CALHM4: variants seen among roughly 807,000 people sequenced by gnomAD.
CALHM4 encodes the protein calcium homeostasis modulator protein 4.
In CALHM4, 16 loss-of-function variants were observed where a neutral mutation model predicts 13.3. The ratio of observed to expected loss-of-function variants is 1.20; its 90% CI spans 0.81 to 1.82. The LOEUF is 1.82. Among genes scored for constraint, CALHM4 ranks in the 40% most tolerant of loss-of-function variants. The probability of loss-of-function intolerance (pLI) is 0.00; values close to 1 mark genes in which losing one functional copy is unlikely to be tolerated. For missense variants in CALHM4, 344 were observed against 374.9 expected (o/e 0.92, Z 0.68); for synonymous variants, 127 against 137.1 (o/e 0.93, Z 0.52).
rs1415826053 is a variant in CALHM4, at chr6:116,560,403, C to T, written c.*2192C>T. On this transcript the variant is annotated 3_prime_UTR_variant, in exon 2 of 2. Coordinates refer to ENST00000368596, the MANE Select transcript of CALHM4 (RefSeq NM_001366078.2). Reference sequence around the variant, plus strand: ...ACCAGGAAACTATTTCCACTAGCTTCTGAAGCCCTTCTACATCAAACTCTT... The same window carrying T: ...ACCAGGAAACTATTTCCACTAGCTTTTGAAGCCCTTCTACATCAAACTCTT... 6.6e-6 allele frequency among the ~76,000 whole-genome samples: 1 copy of T among 152,180 alleles called. No homozygotes were observed. The highest frequency in any genetic ancestry group is 1.5e-5 in the Non-Finnish European group (1 of 68,014).
chr6:116,536,292 G>C (rs576046362), intron 1 of CALHM4, among the ~76,000 whole-genome samples: 3 of 152,124 alleles, frequency 2.0e-5, no homozygotes, highest in African/African-American at 7.2e-5. Context: ...CAATGATTTG[G>C]CCATTATCAT....
rs931990519 is a variant in CALHM4 at position 116,560,655 on chromosome 6, G to C, written c.*2444G>C. Among the ~76,000 whole-genome samples, 242 of 141,994 alleles carry C rather than the reference G, an allele frequency of 1.7e-3. 3 individuals are homozygous for C. Among genetic ancestry groups the C allele is most frequent in the African/African-American group, 4.4e-3 (172 of 39,234 alleles). The allele number at this position is 141,994 out of a possible 152,430, so 93.2% of individuals were successfully genotyped here. ...AAATGGAATTTTTAGTATTTTGGGG[G>C]GGGGGGGGGCTATGGTCTATAGCAT... On this transcript the variant is annotated 3_prime_UTR_variant, in exon 2 of 2. Transcript: ENST00000368596.
At chr6:116,547,430 T>G (rs1214348495) in intron 2 of CALHM4, among the ~76,000 whole-genome samples, 1 of 152,218 alleles carries the variant, frequency 6.6e-6, no homozygotes, top group African/African-American at 2.4e-5. Context: ...CAGACTGACA[T>G]GGCTCCCCTC....
chr6:116,546,298 G>C (rs554620658), intron 2 of CALHM4, among the ~76,000 whole-genome samples: 1 of 152,202 alleles, frequency 6.6e-6, no homozygotes, highest in Non-Finnish European at 1.5e-5. Flanking sequence ...GCTATTGAAG[G>C]CTCTCTTTAT....
chr6:116,549,886 G>A (rs930142581), upstream of CALHM4, among the ~76,000 whole-genome samples: 23 of 150,210 alleles, frequency 1.5e-4, no homozygotes, highest in African/African-American at 5.6e-4. Context: ...TGAGGCAGGA[G>A]AATCGCTTCA....
At chr6:116,532,608 T>C (rs1305888900) in intron 1 of CALHM4, among the ~76,000 whole-genome samples, 1 of 152,240 alleles carries the variant, frequency 6.6e-6, no homozygotes, top group Non-Finnish European at 1.5e-5. Flanking sequence ...CAAAATTTAC[T>C]AGTATTATCA....
intron 1 of CALHM4, among the ~76,000 whole-genome samples, chr6:116,532,044 A>G (rs1286249488): frequency 6.6e-6 from 1 of 152,144 alleles, no homozygotes; most frequent in Non-Finnish European, 1.5e-5. Flanking sequence ...TGGATTTGTT[A>G]TTGTGAACAA....
At chr6:116,542,806 A>G (rs1009401420) in intron 1 of CALHM4, among the ~76,000 whole-genome samples, 1 of 152,162 alleles carries the variant, frequency 6.6e-6, no homozygotes, top group Non-Finnish European at 1.5e-5. Flanking sequence ...CTATCTTAAA[A>G]TAAACTCTCC....
upstream of CALHM4, among the ~76,000 whole-genome samples, chr6:116,553,041 T>C (rs527801782): frequency 2.0e-4 from 30 of 152,274 alleles, no homozygotes; most frequent in African/African-American, 6.5e-4. Context: ...GCCACTGCAC[T>C]CCAGCCTGGG....
intron 1 of CALHM4, among the ~76,000 whole-genome samples, chr6:116,556,455 G>A (rs1428585016): frequency 1.3e-5 from 2 of 152,322 alleles, no homozygotes; most frequent in South Asian, 2.1e-4. Flanking sequence ...ATGGGCATCT[G>A]AGATGGCTTT....
At chr6:116,533,654 T>C (rs981266082) in intron 1 of CALHM4, among the ~76,000 whole-genome samples, 8 of 152,264 alleles carry the variant, frequency 5.3e-5, no homozygotes, top group Non-Finnish European at 7.3e-5. Context: ...TAAAACCTGC[T>C]GTTCAATGCC....
At chr6:116,555,690 T>C (rs1415695448) in intron 1 of CALHM4, among the ~76,000 whole-genome samples, 2 of 152,224 alleles carry the variant, frequency 1.3e-5, no homozygotes, top group African/African-American at 4.8e-5. Context: ...TCATGCTATT[T>C]CCATTTCACT....
intron 1 of CALHM4, among the ~76,000 whole-genome samples, chr6:116,554,858 G>A (rs910143163): frequency 6.6e-6 from 1 of 151,984 alleles, no homozygotes; most frequent in Non-Finnish European, 1.5e-5. Context: ...TTCTAAATTT[G>A]GTGTCTATGG....
intron 1 of CALHM4, among the ~76,000 whole-genome samples, chr6:116,556,124 C>T (rs1055711480): frequency 2.6e-5 from 4 of 152,146 alleles, no homozygotes; most frequent in African/African-American, 9.7e-5. Context: ...CTCTCTTTAC[C>T]TTCTTGCATT....
At chr6:116,533,241 A>G (rs1772850101) in intron 1 of CALHM4, among the ~76,000 whole-genome samples, 1 of 152,238 alleles carries the variant, frequency 6.6e-6, no homozygotes, top group South Asian at 2.1e-4. Flanking sequence ...GGGATTGAGA[A>G]AGCGAACATA....
At position 116,558,055 on chromosome 6, in the gene CALHM4, C is replaced by A. The variant is rs1178434867; in HGVS notation, c.789C>A (p.His263Gln). Residue 263 changes from histidine to glutamine, a missense_variant, in exon 2 of 2, where the codon CAC becomes CAA. By Grantham distance (24) the His-to-Gln change is conservative (BLOSUM62 0). Transcript: ENST00000368596. ...GFIPGSEDVK[H>Q]IRIPSCQDWK... is the part of the protein sequence containing the mutation. Reference sequence around the variant, plus strand: ...TTCCCGGGAGTGAAGACGTCAAACACATCCGCATTCCTTCTTGTCAGGACT... The same window carrying A: ...TTCCCGGGAGTGAAGACGTCAAACAAATCCGCATTCCTTCTTGTCAGGACT... 5 of 1,614,208 alleles carry A rather than the reference C, an allele frequency of 3.1e-6. No homozygotes were observed. The highest frequency in any genetic ancestry group is 4.2e-6 in the Non-Finnish European group (5 of 1,180,032).
chr6:116,542,178 T>C (rs1482896362), intron 1 of CALHM4, among the ~76,000 whole-genome samples: 1 of 152,122 alleles, frequency 6.6e-6, no homozygotes, highest in African/African-American at 2.4e-5. Flanking sequence ...AAAATAACCT[T>C]AACATTCCTC....
At position 116,540,575 on chromosome 6, in the gene CALHM4, A is replaced by C. The variant is rs1583295464; in HGVS notation, c.-108-3190A>C. 3.0e-5 allele frequency: 32 copies of C among 1,068,866 alleles called. 1 individual carries two copies. In the South Asian group the frequency reaches 4.8e-4, roughly 16 times the overall value. The allele number at this position is 1,068,866 out of a possible 1,614,324, so 66.2% of individuals were successfully genotyped here. A position where few individuals can be genotyped will look rare whatever the true frequency, so the allele number is the denominator to read the frequency against. On this transcript the variant is annotated intron_variant, in intron 1 of 2. Coordinates refer to the CALHM4 transcript ENST00000368597. Reference sequence around the variant, plus strand: ...ACTTGTGCAAGTGAATCACAAATCAAACCAAATATGACGAGTCAAATGGCT... The same window carrying C: ...ACTTGTGCAAGTGAATCACAAATCACACCAAATATGACGAGTCAAATGGCT...
rs1020432303 is a variant in CALHM4 at position 116,559,379 on chromosome 6, A to T, written c.*1168A>T. On this transcript the variant is annotated 3_prime_UTR_variant, in exon 2 of 2. Transcript: ENST00000368596. Reference sequence around the variant, plus strand: ...TTCAAGATTCACTTTCAAGGAGACCAAGGAACTTGACTATACTATCTAAAA... The same window carrying T: ...TTCAAGATTCACTTTCAAGGAGACCTAGGAACTTGACTATACTATCTAAAA... Among the ~76,000 whole-genome samples, 1 of 152,244 alleles carries T rather than the reference A, an allele frequency of 6.6e-6. No individual in the cohort carries two copies. The highest frequency in any genetic ancestry group is 1.5e-5 in the Non-Finnish European group (1 of 68,034).
Sources: allele counts gnomAD v4.1 joint callset (sites outside exome capture counted in the v4.1 genomes callset), GRCh38; gene constraint gnomAD v4.1.1; transcripts MANE v1.5; gene names NCBI Gene and HGNC (gene_info 2026-07-23, HGNC 2026-07-21).